The following TDRD3 variants were observed in gnomAD, a reference collection of about 807,000 sequenced individuals.
TDRD3 encodes tudor domain containing 3.
A neutral mutation model predicts 86.7 loss-of-function variants in TDRD3; 45 were observed. The ratio of observed to expected loss-of-function variants is 0.52; its 90% CI spans 0.41 to 0.67. The LOEUF is 0.67. Among genes scored for constraint, TDRD3 ranks in the 30% least tolerant of loss-of-function variants. The pLI is 0.00. For synonymous variants in TDRD3, 298 were observed against 301.7 expected (o/e 0.99, Z 0.13); for missense variants, 814 against 889.0 (o/e 0.92, Z 1.07).
chr13:60,506,213 G>C (rs1374132034), intron 8 of TDRD3, among the ~76,000 whole-genome samples: 2 of 152,092 alleles, frequency 1.3e-5, no homozygotes, highest in African/African-American at 4.8e-5. Context: ...CCAGAAGAGT[G>C]GTGGCCACTA....
intron 12 of TDRD3, among the ~76,000 whole-genome samples, chr13:60,547,022 T>C (rs535520660): frequency 1.6e-3 from 244 of 152,300 alleles, no homozygotes; most frequent in African/African-American, 5.5e-3. Context: ...CTTAATAAAA[T>C]GTCTAGATTG....
chr13:60,470,342 A>G (rs187885973), intron 5 of TDRD3, among the ~76,000 whole-genome samples: 2 of 152,340 alleles, frequency 1.3e-5, no homozygotes, highest in African/African-American at 4.8e-5. Flanking sequence ...ACATGGGTAC[A>G]CAAATACCTC....
At chr13:60,496,350 A>G (rs1366967216) in intron 8 of TDRD3, among the ~76,000 whole-genome samples, 2 of 111,292 alleles carry the variant, frequency 1.8e-5, no homozygotes, top group African/African-American at 3.4e-5. Context: ...TATATCCTCT[A>G]AAGTTTTGTC....
intron 1 of TDRD3, among the ~76,000 whole-genome samples, chr13:60,417,084 A>G (rs184550615): frequency 3.1e-4 from 46 of 147,740 alleles, no homozygotes; most frequent in African/African-American, 1.1e-3. Flanking sequence ...TGGCATAATC[A>G]TAGCTCACTG....
intron 2 of TDRD3, 149 bp downstream of exon 2, chr13:60,439,921 GAATTT>G: frequency 1.9e-6 from 1 of 525,224 alleles, no homozygotes. Flanking sequence ...GATGTTTGTT[GAATTT>G]AATAATCTCA....
intron 12 of TDRD3, among the ~76,000 whole-genome samples, chr13:60,559,930 G>GTC (rs397811778): frequency 1.3e-5 from 2 of 151,878 alleles, no homozygotes; most frequent in Non-Finnish European, 2.9e-5. Flanking sequence ...AATGGAAACT[G>GTC]AGGTGATGGA....
At chr13:60,469,314 A>G (rs1956022388) in intron 5 of TDRD3, among the ~76,000 whole-genome samples, 1 of 152,012 alleles carries the variant, frequency 6.6e-6, no homozygotes, top group Non-Finnish European at 1.5e-5. Context: ...AAAGTGTGGT[A>G]AAAAGTTCTC....
intron 12 of TDRD3, among the ~76,000 whole-genome samples, chr13:60,539,278 T>G (rs1383002351): frequency 6.6e-6 from 1 of 152,056 alleles, no homozygotes; most frequent in Non-Finnish European, 1.5e-5. Context: ...AACACAAAAA[T>G]CCCTGCCCTC....
chr13:60,464,886 G>C (rs1955884973), intron 4 of TDRD3, among the ~76,000 whole-genome samples: 1 of 151,848 alleles, frequency 6.6e-6, no homozygotes, highest in Admixed American at 6.6e-5. Flanking sequence ...GGCATAATAG[G>C]GTGACTATAG....
At chr13:60,419,778 A>G (rs916921462) in intron 1 of TDRD3, among the ~76,000 whole-genome samples, 1 of 152,134 alleles carries the variant, frequency 6.6e-6, no homozygotes, top group Non-Finnish European at 1.5e-5. Flanking sequence ...CTGCACATGT[A>G]TCCCAGAACT....
chr13:60,447,257 G>A (rs572078772), intron 3 of TDRD3, among the ~76,000 whole-genome samples: 2 of 152,278 alleles, frequency 1.3e-5, no homozygotes, highest in East Asian at 3.9e-4. Flanking sequence ...TGAGGGTGGA[G>A]AGGCATTAAA....
At chr13:60,533,617 G>C (rs573632694) in intron 11 of TDRD3, among the ~76,000 whole-genome samples, 22 of 151,818 alleles carry the variant, frequency 1.4e-4, no homozygotes, top group African/African-American at 5.3e-4. Context: ...CTCCAGCCTG[G>C]GTGACAGAGG....
intron 1 of TDRD3, among the ~76,000 whole-genome samples, chr13:60,406,779 T>C (rs1220523003): frequency 2.0e-5 from 3 of 152,186 alleles, no homozygotes; most frequent in Admixed American, 6.5e-5. Context: ...AGAGCACCTT[T>C]TAAAACACTC....
At chr13:60,404,351 C>A (rs1954179864) in intron 1 of TDRD3, among the ~76,000 whole-genome samples, 1 of 147,720 alleles carries the variant, frequency 6.8e-6, no homozygotes, top group Non-Finnish European at 1.5e-5. Flanking sequence ...CGCTCTGTCA[C>A]CCAGGCTGGA....
chr13:60,538,947 T>G (rs1284377374), intron 12 of TDRD3, among the ~76,000 whole-genome samples: 4 of 152,214 alleles, frequency 2.6e-5, no homozygotes, highest in Non-Finnish European at 5.9e-5. Flanking sequence ...AGTGTGCTAA[T>G]GTCTAAACTT....
At chr13:60,520,344 A>G (rs1397435360) in intron 10 of TDRD3, among the ~76,000 whole-genome samples, 1 of 152,212 alleles carries the variant, frequency 6.6e-6, no homozygotes, top group Non-Finnish European at 1.5e-5. Flanking sequence ...GGAATATACA[A>G]TAATTTTTCC....
At chr13:60,466,525 C>T (rs758630603) in intron 4 of TDRD3, among the ~76,000 whole-genome samples, 12 of 151,880 alleles carry the variant, frequency 7.9e-5, no homozygotes, top group East Asian at 1.9e-4. Context: ...CAGTGGCTCA[C>T]GCATATAATC....
chr13:60,463,381 A>AAG (rs1411654967), intron 4 of TDRD3, among the ~76,000 whole-genome samples: 1 of 151,574 alleles, frequency 6.6e-6, no homozygotes, highest in Admixed American at 6.6e-5. Context: ...AAAAAAAAAA[A>AAG]AGATAAGACC....
At chr13:60,532,644 C>T (rs1014224560) in intron 11 of TDRD3, among the ~76,000 whole-genome samples, 8 of 152,128 alleles carry the variant, frequency 5.3e-5, no homozygotes, top group African/African-American at 1.9e-4. Flanking sequence ...AAAATTTCCT[C>T]ACAATATCTT....
Sources: gnomAD v4.1 joint callset for allele counts (sites outside exome capture counted in the v4.1 genomes callset) on GRCh38, gnomAD v4.1.1 for gene constraint, MANE v1.5 for transcripts, NCBI Gene and HGNC (gene_info 2026-07-23, HGNC 2026-07-21) for gene names.